The following C3orf70 variants were observed in gnomAD, a reference collection of about 807,000 sequenced individuals.
C3orf70 encodes chromosome 3 open reading frame 70, also known as UPF0524 protein C3orf70.
Under a neutral mutation model 20.7 loss-of-function variants are expected in C3orf70, and 15 were observed. The ratio of observed to expected loss-of-function variants is 0.72; its 90% CI spans 0.48 to 1.11. C3orf70 has a LOEUF of 1.11. Among genes scored for constraint, C3orf70 ranks in the 50% most tolerant of loss-of-function variants. The pLI is 0.00. For missense variants in C3orf70, 332 were observed against 317.6 expected (o/e 1.05, Z -0.34); for synonymous variants, 161 against 125.7 (o/e 1.28, Z -1.88).
At chr3:185,147,807 C>T (rs1716908274) in intron 1 of C3orf70, among the ~76,000 whole-genome samples, 1 of 152,224 alleles carries the variant, frequency 6.6e-6, no homozygotes, top group Admixed American at 6.5e-5. Flanking sequence ...TTGACTAATG[C>T]TTCAATTAAG....
chr3:185,120,033 A>AGAAAAAGAAAAAGAAAG (rs1553920936), intron 1 of C3orf70, among the ~76,000 whole-genome samples: 4 of 100,750 alleles, frequency 4.0e-5, no homozygotes, highest in African/African-American at 1.8e-4. Context: ...AAAAAAAAAA[A>AGAAAAAGAAAAAGAAAG]AAAAAGAAAA....
chr3:185,094,551 T>C (rs529411942), intron 1 of C3orf70, among the ~76,000 whole-genome samples: 2 of 152,172 alleles, frequency 1.3e-5, no homozygotes, highest in Middle Eastern at 3.4e-3. Flanking sequence ...TAAGAGCTAT[T>C]CTGCTGAATA....
intron 1 of C3orf70, among the ~76,000 whole-genome samples, chr3:185,108,889 G>C (rs956247045): frequency 6.6e-6 from 1 of 152,196 alleles, no homozygotes; most frequent in African/African-American, 2.4e-5. Flanking sequence ...TGCCAATCAG[G>C]AGAGTCTTCT....
At chr3:185,126,592 G>A (rs1430019484) in intron 1 of C3orf70, among the ~76,000 whole-genome samples, 3 of 152,132 alleles carry the variant, frequency 2.0e-5, no homozygotes, top group Non-Finnish European at 2.9e-5. Context: ...ATGGACTTCC[G>A]ACTTCCACGT....
At chr3:185,140,962 T>C (rs1189729301) in intron 1 of C3orf70, among the ~76,000 whole-genome samples, 3 of 108,304 alleles carry the variant, frequency 2.8e-5, no homozygotes, top group Non-Finnish European at 5.8e-5. Flanking sequence ...AGTGAGACCC[T>C]TGTCACCAAA....
chr3:185,121,929 C>A (rs1200793291), intron 1 of C3orf70, among the ~76,000 whole-genome samples: 1 of 152,114 alleles, frequency 6.6e-6, no homozygotes, highest in East Asian at 1.9e-4. Flanking sequence ...GAAACCCCAT[C>A]TCTACTAAAA....
At chr3:185,142,038 C>G (rs1716761750) in intron 1 of C3orf70, among the ~76,000 whole-genome samples, 1 of 151,976 alleles carries the variant, frequency 6.6e-6, no homozygotes, top group South Asian at 2.1e-4. Context: ...GGGAAATGCT[C>G]AAATAAATGT....
Position 185,145,936 on chromosome 3 carries a change from CTA to C in C3orf70, c.196+6690_196+6691del, listed in dbSNP as rs571288610. Among the ~76,000 whole-genome samples, 87 of 152,326 alleles carry C rather than the reference CTA, an allele frequency of 5.7e-4. 1 individual carries two copies. Among genetic ancestry groups the C allele is most frequent in the African/African-American group, 1.9e-3 (79 of 41,584 alleles). ...ACAGAAAGACACCTATCAGCGTTCT[CTA>C]TCTCTGGAAGAACCTATCAGCATTC... On this transcript the variant is annotated intron_variant, in intron 1 of 1. Transcript: ENST00000335012.
intron 1 of C3orf70, among the ~76,000 whole-genome samples, chr3:185,084,078 G>A (rs1304358735): frequency 6.6e-6 from 1 of 152,014 alleles, no homozygotes; most frequent in Non-Finnish European, 1.5e-5. Flanking sequence ...CCAGTTACTC[G>A]GGAGGCTGAG....
At position 185,077,058 on chromosome 3, in the gene C3orf70, G is replaced by A. The variant is rs1715207502; in HGVS notation, c.*5949C>T. On this transcript the variant is annotated 3_prime_UTR_variant, in exon 2 of 2. Coordinates refer to ENST00000335012, the MANE Select transcript of C3orf70 (RefSeq NM_001025266.3). ...GCTAGTCTTGAATGCTAGTCAAGAGGTGATTAAACATGGAAGAAGCAATGG... is the reference window on the plus strand; with the variant it reads ...GCTAGTCTTGAATGCTAGTCAAGAGATGATTAAACATGGAAGAAGCAATGG... Among the ~76,000 whole-genome samples the A allele has an allele frequency of 6.6e-6, 1 of 152,150 alleles. No individual in the cohort carries two copies. Among genetic ancestry groups the A allele is most frequent in the Non-Finnish European group, 1.5e-5 (1 of 68,036 alleles).
intron 1 of C3orf70, among the ~76,000 whole-genome samples, chr3:185,149,600 T>C (rs917907590): frequency 5.9e-5 from 9 of 152,210 alleles, no homozygotes; most frequent in Non-Finnish European, 1.3e-4. Context: ...ACTGATACTG[T>C]AAACTCCATG....
intron 1 of C3orf70, among the ~76,000 whole-genome samples, chr3:185,142,777 G>A (rs1412486369): frequency 1.3e-5 from 2 of 152,154 alleles, no homozygotes; most frequent in African/African-American, 2.4e-5. Context: ...CACATGATGT[G>A]TTTTCTCATG....
chr3:185,152,208 G>A (rs1405347301), intron 1 of C3orf70, among the ~76,000 whole-genome samples: 1 of 152,166 alleles, frequency 6.6e-6, no homozygotes, highest in Non-Finnish European at 1.5e-5. Context: ...AAGAAAAAGA[G>A]GAGCATCTTT....
chr3:185,128,497 C>T (rs1342118092), intron 1 of C3orf70, among the ~76,000 whole-genome samples: 2 of 150,534 alleles, frequency 1.3e-5, no homozygotes, highest in Non-Finnish European at 2.9e-5. Flanking sequence ...CACTGCACTC[C>T]GGCCTGGCTA....
At chr3:185,104,702 A>T (rs1389340620) in intron 1 of C3orf70, among the ~76,000 whole-genome samples, 1 of 152,232 alleles carries the variant, frequency 6.6e-6, no homozygotes, top group East Asian at 1.9e-4. Context: ...GGAGGCCATT[A>T]TCCTTAGCAA....
At chr3:185,120,033 A>AAAAGAAAGAAAAAGAAAG (rs1553920939) in intron 1 of C3orf70, among the ~76,000 whole-genome samples, 2 of 100,782 alleles carry the variant, frequency 2.0e-5, no homozygotes, top group Non-Finnish European at 3.6e-5. Context: ...AAAAAAAAAA[A>AAAAGAAAGAAAAAGAAAG]AAAAAGAAAA....
chr3:185,089,817 C>G (rs1715528882), intron 1 of C3orf70, among the ~76,000 whole-genome samples: 1 of 151,700 alleles, frequency 6.6e-6, no homozygotes, highest in Non-Finnish European at 1.5e-5. Flanking sequence ...GTACATGAAT[C>G]AATACTGTCA....
chr3:185,138,215 C>A (rs35388946), intron 1 of C3orf70, among the ~76,000 whole-genome samples: 10,612 of 151,964 alleles, frequency 0.07, 430 homozygotes, highest in South Asian at 0.1. Context: ...ATTTGAATAG[C>A]CCTATAATAA....
At chr3:185,084,338 C>T (rs913717845) in intron 1 of C3orf70, among the ~76,000 whole-genome samples, 2 of 151,782 alleles carry the variant, frequency 1.3e-5, no homozygotes, top group Non-Finnish European at 2.9e-5. Flanking sequence ...TTTCACTTTC[C>T]AGGTGTCTAT....
Sources: allele counts gnomAD v4.1 joint callset (sites outside exome capture counted in the v4.1 genomes callset), GRCh38; gene constraint gnomAD v4.1.1; transcripts MANE v1.5; gene names NCBI Gene and HGNC (gene_info 2026-07-23, HGNC 2026-07-21).